Variants in ARK2C observed in about 807,000 individuals in gnomAD.
ARK2C encodes the protein arkadia (RNF111) C-terminal like ring finger ubiquitin ligase 2C, also known as E3 ubiquitin-protein ligase ARK2C.
chr18:46,412,592 G>A, the ARK2C span, among the ~76,000 whole-genome samples: 157 of 152,310 alleles, frequency 1.0e-3, no homozygotes, highest in Non-Finnish European at 1.8e-3. Context: ...TGGTTGGTCA[G>A]TTTCTTCTCA....
At chr18:46,389,777 G>A in the ARK2C span, among the ~76,000 whole-genome samples, 1 of 151,650 alleles carries the variant, frequency 6.6e-6, no homozygotes, top group Non-Finnish European at 1.5e-5. Context: ...CACCCAGGCT[G>A]CAGTGCAGTG....
the ARK2C span, among the ~76,000 whole-genome samples, chr18:46,429,361 G>C: frequency 6.6e-6 from 1 of 152,160 alleles, no homozygotes; most frequent in African/African-American, 2.4e-5. Context: ...CCACACCAGA[G>C]GCAAAATCCC....
the ARK2C span, among the ~76,000 whole-genome samples, chr18:46,373,656 G>A: frequency 6.6e-6 from 1 of 152,210 alleles, no homozygotes; most frequent in Admixed American, 6.5e-5. Context: ...GGGCTCCAGG[G>A]ACAGCCCACC....
At chr18:46,430,131 T>C in the ARK2C span, among the ~76,000 whole-genome samples, 1 of 152,234 alleles carries the variant, frequency 6.6e-6, no homozygotes, top group African/African-American at 2.4e-5. Context: ...AGTACCTTTT[T>C]GAGAAGGAGT....
chr18:46,453,288 T>G, the ARK2C span, among the ~76,000 whole-genome samples: 1 of 152,204 alleles, frequency 6.6e-6, no homozygotes, highest in Non-Finnish European at 1.5e-5. Context: ...GAGAGAGTTT[T>G]AAGCTATTGG....
At chr18:46,434,245 C>A in the ARK2C span, among the ~76,000 whole-genome samples, 1 of 152,102 alleles carries the variant, frequency 6.6e-6, no homozygotes, top group Non-Finnish European at 1.5e-5. Flanking sequence ...TTAATGAAGA[C>A]TACGAAGAGC....
the ARK2C span, among the ~76,000 whole-genome samples, chr18:46,377,779 A>G: frequency 6.6e-6 from 1 of 152,178 alleles, no homozygotes; most frequent in Non-Finnish European, 1.5e-5. Flanking sequence ...AGTTTGATAA[A>G]CAAAGGTTGA....
At chr18:46,404,613 C>T in the ARK2C span, among the ~76,000 whole-genome samples, 1 of 152,040 alleles carries the variant, frequency 6.6e-6, no homozygotes, top group Non-Finnish European at 1.5e-5. Context: ...ATTAGCAGGG[C>T]ATGGTGGCGG....
chr18:46,336,804 A>G, the ARK2C span: 11 of 985,320 alleles, frequency 1.1e-5, no homozygotes, highest in Non-Finnish European at 1.3e-5. Flanking sequence ...CTGGGTGACT[A>G]TCAGTTAGCT....
chr18:46,455,861 AG>A, the ARK2C span: 1 of 639,100 alleles, frequency 1.6e-6, no homozygotes, highest in Non-Finnish European at 2.8e-6. Context: ...AAACAAAAAA[AG>A]AAACTTTAAA....
chr18:46,399,515 T>C, the ARK2C span, among the ~76,000 whole-genome samples: 1 of 152,070 alleles, frequency 6.6e-6, no homozygotes, highest in Non-Finnish European at 1.5e-5. Context: ...TGGTTACTGA[T>C]GTAGTGGAGA....
chr18:46,390,143 C>G, the ARK2C span, among the ~76,000 whole-genome samples: 8 of 152,324 alleles, frequency 5.3e-5, no homozygotes, highest in Admixed American at 2.0e-4. Flanking sequence ...CTGACCTCCC[C>G]ACCCCAACCC....
chr18:46,351,107 C>T, the ARK2C span, among the ~76,000 whole-genome samples: 10 of 152,148 alleles, frequency 6.6e-5, no homozygotes, highest in East Asian at 3.9e-4. Context: ...CTGCAGAGCC[C>T]GGGAGGGAGG....
chr18:46,411,918 C>G, the ARK2C span, among the ~76,000 whole-genome samples: 2 of 152,340 alleles, frequency 1.3e-5, no homozygotes, highest in Non-Finnish European at 2.9e-5. Flanking sequence ...AGGGCAGGGG[C>G]ACCATGGAGC....
chr18:46,438,876 G>A, the ARK2C span, among the ~76,000 whole-genome samples: 1 of 152,194 alleles, frequency 6.6e-6, no homozygotes, highest in African/African-American at 2.4e-5. Flanking sequence ...TTTCTCATTT[G>A]ATGCTCCAAC....
the ARK2C span, among the ~76,000 whole-genome samples, chr18:46,402,273 T>G: frequency 2.0e-5 from 3 of 152,244 alleles, no homozygotes; most frequent in Non-Finnish European, 4.4e-5. Context: ...TTATATACTA[T>G]GTGCTAGAAT....
chr18:46,459,208 C>T, the ARK2C span: 1 of 152,232 alleles, frequency 6.6e-6, no homozygotes, highest in Non-Finnish European at 1.5e-5. Context: ...CAGGATAGAA[C>T]TAGAGCTGGT....
the ARK2C span, among the ~76,000 whole-genome samples, chr18:46,346,857 G>T: frequency 6.6e-6 from 1 of 152,178 alleles, no homozygotes; most frequent in African/African-American, 2.4e-5. Flanking sequence ...GGCAGTCAGG[G>T]AAGGGCTGGG....
At chr18:46,400,667 G>A in the ARK2C span, among the ~76,000 whole-genome samples, 3 of 152,142 alleles carry the variant, frequency 2.0e-5, no homozygotes, top group South Asian at 2.1e-4. Flanking sequence ...GTGTGTCAGC[G>A]TGCCTCTCAG....
Sources: gnomAD v4.1 joint callset for allele counts (sites outside exome capture counted in the v4.1 genomes callset) on GRCh38, gnomAD v4.1.1 for gene constraint, MANE v1.5 for transcripts, NCBI Gene and HGNC (gene_info 2026-07-23, HGNC 2026-07-21) for gene names.